Variants in STX6 observed in about 807,000 individuals in gnomAD.
STX6 encodes syntaxin 6.
In STX6, 23 loss-of-function variants were observed where a neutral mutation model predicts 38.0. The ratio of observed to expected loss-of-function variants is 0.60; its 90% confidence interval spans 0.43 to 0.86. The LOEUF (loss-of-function observed/expected upper bound fraction) is 0.86. Ranked by LOEUF, STX6 falls within the 40% of genes least tolerant of loss-of-function variation. The pLI is 0.00. For missense variants in STX6, 274 were observed against 312.9 expected, an observed-to-expected ratio of 0.88 and a Z score of 0.94; for synonymous variants, 123 against 107.5, an observed-to-expected ratio of 1.14 and a Z score of -0.89.
At chr1:181,015,562 G>C (rs141428805) in intron 1 of STX6, among the ~76,000 whole-genome samples, 196 of 152,228 alleles carry the variant, frequency 1.3e-3, no homozygotes, top group South Asian at 2.9e-3. Context: ...AGACCTTGGG[G>C]CTCAGACATA....
At position 181,000,791 on chromosome 1, in the gene STX6, T is replaced by C. The variant is rs1448341694; in HGVS notation, c.300+1815A>G. The stretch of plus-strand genomic sequence containing the variant: ...ACCTTGCAGAAATAAATATAATGAT[T>C]AAGGTTAAGGACATATGCTTCACTG... On this transcript the variant is annotated intron_variant, in intron 3 of 7. Coordinates refer to ENST00000258301, the MANE Select transcript of STX6 (RefSeq NM_005819.6). Among the ~76,000 whole-genome samples, 6 of 149,844 alleles carry C rather than the reference T, an allele frequency of 4.0e-5. No homozygotes were observed. In the East Asian group the frequency reaches 1.2e-3, roughly 30 times the overall value.
intron 6 of STX6, among the ~76,000 whole-genome samples, chr1:180,987,074 T>C (rs1398217759): frequency 1.3e-5 from 2 of 152,188 alleles, no homozygotes; most frequent in African/African-American, 2.4e-5. Flanking sequence ...TGAGAATAAG[T>C]AGTCGTACCT....
At chr1:180,982,064 T>C (rs781453157) in intron 7 of STX6, among the ~76,000 whole-genome samples, 5 of 152,192 alleles carry the variant, frequency 3.3e-5, no homozygotes, top group Non-Finnish European at 5.9e-5. Context: ...ATACAATTAG[T>C]GTCTCTCTTG....
intron 1 of STX6, among the ~76,000 whole-genome samples, chr1:181,009,402 G>A (rs1174682444): frequency 6.7e-6 from 1 of 149,998 alleles, no homozygotes; most frequent in Non-Finnish European, 1.5e-5. Context: ...CTGGGAGGCA[G>A]AGGTTGCAGT....
At position 180,973,627 on chromosome 1, in the gene STX6, G is replaced by A. The variant is rs1655177524; in HGVS notation, c.*2943C>T. On this transcript the variant is annotated 3_prime_UTR_variant, in exon 8 of 8. Coordinates refer to ENST00000258301, the MANE Select transcript of STX6 (RefSeq NM_005819.6). ...CCCCTTCAGCTCTGGCGTGCATTCTGAAATTGTGGAAGATCCTCATGTAAC... is the reference window on the plus strand; with the variant it reads ...CCCCTTCAGCTCTGGCGTGCATTCTAAAATTGTGGAAGATCCTCATGTAAC... 1 of 152,644 alleles carries A rather than the reference G, an allele frequency of 6.6e-6. No homozygotes were observed. The highest frequency in any genetic ancestry group is 2.1e-4 in the South Asian group (1 of 4,830). The allele number at this position is 152,644 out of a possible 1,614,324, so 9.5% of individuals were successfully genotyped here. A position where few individuals can be genotyped will look rare whatever the true frequency, so the allele number is the denominator to read the frequency against.
chr1:181,004,039 T>C (rs1343596179), intron 2 of STX6, among the ~76,000 whole-genome samples: 6 of 152,230 alleles, frequency 3.9e-5, no homozygotes, highest in Non-Finnish European at 8.8e-5. Flanking sequence ...TATATGATAA[T>C]GACTGCTAAC....
intron 7 of STX6, among the ~76,000 whole-genome samples, chr1:180,984,060 T>A (rs1262582516): frequency 1.2e-4 from 2 of 16,646 alleles, no homozygotes; most frequent in Non-Finnish European, 2.3e-4. Flanking sequence ...TGAGGCTCCA[T>A]CTCAAAAAAA....
chr1:181,000,056 A>G (rs924559389), intron 3 of STX6, among the ~76,000 whole-genome samples: 6 of 152,238 alleles, frequency 3.9e-5, no homozygotes, highest in Non-Finnish European at 8.8e-5. Flanking sequence ...ATTTATTACA[A>G]TCAGATCAGC....
At chr1:181,005,574 A>G (rs1462954752) in intron 1 of STX6, 111 bp from the exon 2 acceptor site, 11 of 992,408 alleles carry the variant, frequency 1.1e-5, no homozygotes, top group Non-Finnish European at 1.4e-5. Context: ...AGCAACCACC[A>G]TTCCCACAGA....
Position 180,972,910 on chromosome 1 carries a change from C to A in STX6, c.*3660G>T. ...AAAAGGAGAGAAAGAAAAGAAAGAC[C>A]ACCCCCTATTAGAAGCAAAGGCCCT... On this transcript the variant is annotated 3_prime_UTR_variant, in exon 8 of 8. Transcript: ENST00000258301. The A allele has an allele frequency of 3.6e-6, 1 of 280,990 alleles. No homozygotes were observed. The highest frequency in any genetic ancestry group is 7.0e-6 in the Non-Finnish European group (1 of 143,828). 17.4% of individuals were successfully genotyped at this position (280,990 alleles called of 1,614,324 possible). A position where few individuals can be genotyped will look rare whatever the true frequency, so the allele number is the denominator to read the frequency against.
At chr1:181,011,589 T>C (rs189227882) in intron 1 of STX6, among the ~76,000 whole-genome samples, 45 of 152,330 alleles carry the variant, frequency 3.0e-4, no homozygotes, top group African/African-American at 9.6e-4. Flanking sequence ...TTGTAAGTAC[T>C]TGCAACTAAA....
chr1:180,975,572 C>T lies in STX6; in HGVS notation c.*998G>A, dbSNP rs1468538695. On this transcript the variant is annotated 3_prime_UTR_variant, in exon 8 of 8. Transcript: ENST00000258301. ...CCAGAGCTAACCTTTTATGTCATTA[C>T]GTTTCTTAATAAATGTAATAAATGT... The T allele has an allele frequency of 3.9e-5, 6 of 152,624 alleles. No individual in the cohort carries two copies. Among genetic ancestry groups the T allele is most frequent in the African/African-American group, 1.2e-4 (5 of 41,554 alleles). 9.5% of individuals were successfully genotyped at this position (152,624 alleles called of 1,614,324 possible). A position where few individuals can be genotyped will look rare whatever the true frequency, so the allele number is the denominator to read the frequency against.
At position 181,002,703 on chromosome 1, in the gene STX6, A is replaced by T. The variant is rs375690125; in HGVS notation, c.206-3T>A. ...TCTAGGATTTGCTTCAACTATGCGT[A>T]GGTCAAAAAGTCAAGGTAAAACAAT... On this transcript the variant is annotated splice_region_variant and splice_polypyrimidine_tract_variant and intron_variant, in intron 2 of 7. Transcript: ENST00000258301. 5.0e-6 allele frequency: 8 copies of T among 1,604,052 alleles called. No individual in the cohort carries two copies. Among genetic ancestry groups the T allele is most frequent in the Non-Finnish European group, 6.8e-6 (8 of 1,171,650 alleles).
chr1:180,984,558 A>G (rs2102304383), intron 7 of STX6, 119 bp downstream of exon 7: 1 of 457,090 alleles, frequency 2.2e-6, no homozygotes, highest in Non-Finnish European at 4.0e-6. Context: ...CAAAAAAAAG[A>G]GAAAGGGATC....
intron 1 of STX6, among the ~76,000 whole-genome samples, chr1:181,007,013 G>A (rs924501564): frequency 6.6e-6 from 1 of 152,170 alleles, no homozygotes; most frequent in South Asian, 2.1e-4. Context: ...AAATGGGGAA[G>A]AATTAAGTGA....
chr1:181,008,727 G>GTTTTT lies in STX6; in HGVS notation c.36-3269_36-3265dup, dbSNP rs55654509. 7.3e-3 allele frequency among the ~76,000 whole-genome samples: 794 copies of GTTTTT among 108,604 alleles called. 14 individuals carry two copies. Among genetic ancestry groups the GTTTTT allele is most frequent in the Non-Finnish European group, 8.3e-3 (469 of 56,594 alleles). 71.2% of individuals were successfully genotyped at this position (108,604 alleles called of 152,430 possible). On this transcript the variant is annotated intron_variant, in intron 1 of 7. Coordinates refer to ENST00000258301, the MANE Select transcript of STX6 (RefSeq NM_005819.6). ...TAGTTGATATAAGCTTTCCAAAATT[G>GTTTTT]TTTTTTTTTTTTTTTTTTTTTTAAA... is the stretch of plus-strand genomic sequence containing the variant.
intron 1 of STX6, among the ~76,000 whole-genome samples, chr1:181,021,131 A>G (rs193286377): frequency 6.6e-6 from 1 of 152,358 alleles, no homozygotes; most frequent in African/African-American, 2.4e-5. Context: ...AAAAATGCCA[A>G]GACAGAAGAA....
chr1:181,014,879 T>C (rs1656512377), intron 1 of STX6, among the ~76,000 whole-genome samples: 1 of 152,258 alleles, frequency 6.6e-6, no homozygotes, highest in Non-Finnish European at 1.5e-5. Flanking sequence ...ACATCATTTT[T>C]ACTCAGTTAC....
At chr1:181,015,062 A>C (rs1034172316) in intron 1 of STX6, among the ~76,000 whole-genome samples, 2 of 152,046 alleles carry the variant, frequency 1.3e-5, no homozygotes, top group East Asian at 3.9e-4. Flanking sequence ...TGTCTCTGTG[A>C]CATTGTGCTG....
Sources: gnomAD v4.1 joint callset for allele counts (sites outside exome capture counted in the v4.1 genomes callset) on GRCh38, gnomAD v4.1.1 for gene constraint, MANE v1.5 for transcripts, NCBI Gene and HGNC (gene_info 2026-07-23, HGNC 2026-07-21) for gene names.